The following OPALIN variants were observed in gnomAD, a reference collection of about 807,000 sequenced individuals.
OPALIN encodes the protein oligodendrocytic myelin paranodal and inner loop protein, also known as transmembrane protein 10.
OPALIN carries 15 observed loss-of-function variants against 17.8 expected under a neutral mutation model. The observed-to-expected ratio is 0.84, with a 90% confidence interval of 0.56 to 1.29. OPALIN has a LOEUF of 1.29. OPALIN is among the 50% of genes most tolerant of loss of function. The pLI, the probability that OPALIN is intolerant of heterozygous loss-of-function variation, is 0.00. For missense variants in OPALIN, 170 were observed against 176.0 expected (o/e 0.97, Z 0.19); for synonymous variants, 62 against 63.8 (o/e 0.97, Z 0.14).
intron 4 of OPALIN, among the ~76,000 whole-genome samples, chr10:96,349,481 T>C (rs575000219): frequency 6.6e-6 from 1 of 152,328 alleles, no homozygotes; most frequent in East Asian, 1.9e-4. Context: ...CCAAATACCA[T>C]CTTTGTCAGG....
rs927934271 is a variant in OPALIN at position 96,343,280 on chromosome 10, T to A, written c.*2661A>T. On this transcript the variant is annotated 3_prime_UTR_variant, in exon 6 of 6. Coordinates refer to ENST00000371172, the MANE Select transcript of OPALIN (RefSeq NM_033207.5). ...TCATTCCAACATAAGTTCTTGTGTA[T>A]CATAGCAGAAGTAAATGACAGAAAT... is the stretch of plus-strand genomic sequence containing the variant. 3 of 152,370 alleles carry A rather than the reference T, an allele frequency of 2.0e-5. No homozygotes were observed. The South Asian group carries it at 6.2e-4, about 32-fold the overall frequency. 9.4% of individuals were successfully genotyped at this position (152,370 alleles called of 1,614,324 possible).
At position 96,345,937 on chromosome 10, in the gene OPALIN, T is replaced by G; in HGVS notation, c.*4A>C. On this transcript the variant is annotated 3_prime_UTR_variant, in exon 6 of 6. Coordinates refer to ENST00000371172, the MANE Select transcript of OPALIN (RefSeq NM_033207.5). ...CAGGTCTGCTGCTCCTTGACTGAGC[T>G]GCATCATTCCAGGCTCAGTCTGGGC... is the stretch of plus-strand genomic sequence containing the variant. 4.3e-6 allele frequency: 7 copies of G among 1,613,732 alleles called. No individual in the cohort carries two copies. Among genetic ancestry groups the G allele is most frequent in the Non-Finnish European group, 5.9e-6 (7 of 1,179,694 alleles).
chr10:96,353,518 G>A lies in OPALIN; in HGVS notation c.39+1737C>T, dbSNP rs1845675885. ...CAGACAACACCAGGCAAAGCAAAAT[G>A]GTTGGTTGCTCTACACGGGATCAAA... On this transcript the variant is annotated intron_variant, in intron 2 of 5. Transcript: ENST00000371172. The A allele has an allele frequency of 3.4e-6, 4 of 1,187,514 alleles. No homozygotes were observed. The Admixed American group carries it at 5.1e-5, about 15-fold the overall frequency. 73.6% of individuals were successfully genotyped at this position (1,187,514 alleles called of 1,614,324 possible).
chr10:96,354,595 C>T (rs977578596), intron 2 of OPALIN, among the ~76,000 whole-genome samples: 5 of 151,918 alleles, frequency 3.3e-5, no homozygotes, highest in Non-Finnish European at 7.4e-5. Flanking sequence ...AGTAAGAAAA[C>T]AATAGTACAA....
Position 96,352,774 on chromosome 10 carries a change from G to T in OPALIN, c.40-1364C>A, listed in dbSNP as rs574568691. 3.5e-4 allele frequency among the ~76,000 whole-genome samples: 54 copies of T among 152,170 alleles called. 2 individuals are homozygous for T. The South Asian group carries it at 0.011, about 30-fold the overall frequency. Reference sequence around the variant, plus strand: ...ACAGGTGGGAAGCTGGTTTCTCCAGGGAGTGGACCTTGGAACGGGGAACTT... The same window carrying T: ...ACAGGTGGGAAGCTGGTTTCTCCAGTGAGTGGACCTTGGAACGGGGAACTT... On this transcript the variant is annotated intron_variant, in intron 2 of 5. Coordinates refer to ENST00000371172, the MANE Select transcript of OPALIN (RefSeq NM_033207.5).
chr10:96,348,308 T>A lies in OPALIN; in HGVS notation c.230A>T (p.Asp77Val). The part of the protein sequence containing the change: ...DRPCEISEID[D>V]NPKISENPRR... ...TCTTACCTCAGATATCTTGGGATTG[T>A]CATCAATTTCTGAAATTTCACATGG... Residue 77 changes from aspartate (D) to valine (V), a missense_variant, in exon 5 of 6, where the codon GAC (aspartate) becomes GTC (valine). Asp to Val is a radical substitution (Grantham distance 152). Transcript: ENST00000371172. The A allele has an allele frequency of 6.5e-7, 1 of 1,547,102 alleles. No individual in the cohort carries two copies. The highest frequency in any genetic ancestry group is 8.9e-7 in the Non-Finnish European group (1 of 1,122,378).
chr10:96,352,618 C>A (rs1845632754), intron 2 of OPALIN, among the ~76,000 whole-genome samples: 2 of 150,242 alleles, frequency 1.3e-5, no homozygotes, highest in African/African-American at 4.9e-5. Context: ...GAAGAATCAG[C>A]CATTGTTTCA....
At chr10:96,346,558 G>A (rs1180902744) in intron 5 of OPALIN, among the ~76,000 whole-genome samples, 1 of 152,068 alleles carries the variant, frequency 6.6e-6, no homozygotes, top group Admixed American at 6.5e-5. Context: ...TCATTGATAT[G>A]GTTGGGTTTA....
chr10:96,345,330 A>T lies in OPALIN; in HGVS notation c.*611T>A, dbSNP rs1845268115. 6.6e-6 allele frequency: 1 copy of T among 152,204 alleles called. No homozygotes were observed. Among genetic ancestry groups the T allele is most frequent in the Non-Finnish European group, 1.5e-5 (1 of 68,034 alleles). The allele number at this position is 152,204 out of a possible 1,614,324, so 9.4% of individuals were successfully genotyped here. On this transcript the variant is annotated 3_prime_UTR_variant, in exon 6 of 6. Coordinates refer to ENST00000371172, the MANE Select transcript of OPALIN (RefSeq NM_033207.5). ...AAAAACTGAGGCTTGAAAATGTTAA[A>T]CAACTTCTCCAAAGTCGTACAGCTG...
chr10:96,345,845 T>C lies in OPALIN; in HGVS notation c.*96A>G, dbSNP rs776997781. The C allele has an allele frequency of 2.4e-6, 3 of 1,242,188 alleles. No individual in the cohort carries two copies. The highest frequency in any genetic ancestry group is 2.3e-5 in the East Asian group (1 of 42,722). The allele number at this position is 1,242,188 out of a possible 1,614,324, so 76.9% of individuals were successfully genotyped here. A position where few individuals can be genotyped will look rare whatever the true frequency, so the allele number is the denominator to read the frequency against. ...AGCTGTAAATGAAATTTGGATTGAT[T>C]AAGAAGCAGCTTGGCATCTTTCCTC... On this transcript the variant is annotated 3_prime_UTR_variant, in exon 6 of 6. Coordinates refer to ENST00000371172, the MANE Select transcript of OPALIN (RefSeq NM_033207.5).
At position 96,355,252 on chromosome 10, in the gene OPALIN, T is replaced by TA. The variant is rs1421928187; in HGVS notation, c.39+2dup. The TA allele has an allele frequency of 3.1e-6, 5 of 1,613,726 alleles. No homozygotes were observed. Among genetic ancestry groups the TA allele is most frequent in the Non-Finnish European group, 4.2e-6 (5 of 1,179,900 alleles). ...CCTGGTGAATGGGGGCTGCTGTACT[T>TA]ACTGTGTTCGCCGGCAGGGTGAAGT... On this transcript the variant is annotated splice_region_variant and intron_variant, in intron 2 of 5. Coordinates refer to ENST00000371172, the MANE Select transcript of OPALIN (RefSeq NM_033207.5).
Position 96,349,830 on chromosome 10 carries a change from G to A in OPALIN, c.73-4C>T, listed in dbSNP as rs750040835. On this transcript the variant is annotated splice_region_variant and splice_polypyrimidine_tract_variant and intron_variant, in intron 3 of 5. Coordinates refer to ENST00000371172, the MANE Select transcript of OPALIN (RefSeq NM_033207.5). ...ATCCAAGAGAGGGCCCACAGTCCTG[G>A]CACAGAATGAAAAACACAGGGTCAG... is the stretch of plus-strand genomic sequence containing the variant. 1.2e-6 allele frequency: 2 copies of A among 1,610,092 alleles called. No individual in the cohort carries two copies. Among genetic ancestry groups the A allele is most frequent in the East Asian group, 4.5e-5 (2 of 44,828 alleles).
chr10:96,353,685 C>T (rs558313865), intron 2 of OPALIN, among the ~76,000 whole-genome samples: 4 of 152,332 alleles, frequency 2.6e-5, no homozygotes, highest in African/African-American at 9.6e-5. Flanking sequence ...TCTGCATTCT[C>T]TTGATGTGAT....
At chr10:96,350,571 G>A (rs1845538185) in intron 3 of OPALIN, among the ~76,000 whole-genome samples, 1 of 152,144 alleles carries the variant, frequency 6.6e-6, no homozygotes, top group Admixed American at 6.5e-5. Context: ...TGTAAATGAC[G>A]AGTTAATGGG....
At position 96,356,268 on chromosome 10, in the gene OPALIN, G is replaced by A. The variant is rs535386910; in HGVS notation, c.4-978C>T. ...GGCTTGGTCTACACCACAGCTTCCC[G>A]TCTTTCCAGCATCCCAAGACCAGAT... On this transcript the variant is annotated intron_variant, in intron 1 of 5. Coordinates refer to ENST00000371172, the MANE Select transcript of OPALIN (RefSeq NM_033207.5). Among the ~76,000 whole-genome samples the A allele has an allele frequency of 2.7e-4, 41 of 152,284 alleles. No individual in the cohort carries two copies. The East Asian group carries it at 2.9e-3, about 11-fold the overall frequency.
chr10:96,346,056 T>C lies in OPALIN; in HGVS notation c.311A>G (p.Tyr104Cys). 6.2e-7 allele frequency: 1 copy of C among 1,614,120 alleles called. No homozygotes were observed. The highest frequency in any genetic ancestry group is 1.3e-5 in the African/African-American group (1 of 75,044). ...NTMGAQEAHI[Y>C]VKTVAGSEEP... is the part of the protein sequence containing the mutation. Reference sequence around the variant, plus strand: ...CTCGCTTCCTGCTACAGTCTTCACATATATGTGGGCCTCTTGTGCTCCCAT... The same window carrying C: ...CTCGCTTCCTGCTACAGTCTTCACACATATGTGGGCCTCTTGTGCTCCCAT... Residue 104 changes from tyrosine to cysteine, a missense_variant, in exon 6 of 6, where the codon TAT (tyrosine) becomes TGT (cysteine). Physicochemically the swap from Tyr to Cys is radical, Grantham distance 194. Transcript: ENST00000371172.
At position 96,352,808 on chromosome 10, in the gene OPALIN, C is replaced by T. The variant is rs115448552; in HGVS notation, c.40-1398G>A. ...CTTGGAACGGGGAACTTGTGTGAACCGAAGGCACCCTCCTTTCTCCTTCGC... is the reference window on the plus strand; with the variant it reads ...CTTGGAACGGGGAACTTGTGTGAACTGAAGGCACCCTCCTTTCTCCTTCGC... On this transcript the variant is annotated intron_variant, in intron 2 of 5. Coordinates refer to ENST00000371172, the MANE Select transcript of OPALIN (RefSeq NM_033207.5). Among the ~76,000 whole-genome samples, 826 of 152,222 alleles carry T rather than the reference C, an allele frequency of 5.4e-3. 6 individuals are homozygous for T. Among genetic ancestry groups the T allele is most frequent in the African/African-American group, 0.018 (754 of 41,506 alleles).
intron 1 of OPALIN, 67 bp from the exon 2 acceptor site, chr10:96,355,357 A>C (rs756577858): frequency 9.9e-5 from 143 of 1,438,932 alleles, no homozygotes; most frequent in Non-Finnish European, 1.4e-4. Context: ...CACTTCCTCA[A>C]ACTCACTGAC....
In OPALIN at chr10:96,344,332, C is replaced by G. The variant is rs777557753; in HGVS notation, c.*1609G>C. ...CTCTGATTACAGACACAAGTAGGAG[C>G]AATGAATGATGTGTCTCCTAGGCCA... On this transcript the variant is annotated 3_prime_UTR_variant, in exon 6 of 6. Coordinates refer to ENST00000371172, the MANE Select transcript of OPALIN (RefSeq NM_033207.5). 6.6e-6 allele frequency: 1 copy of G among 151,972 alleles called. No individual in the cohort carries two copies. The highest frequency in any genetic ancestry group is 1.5e-5 in the Non-Finnish European group (1 of 68,020). 9.4% of individuals were successfully genotyped at this position (151,972 alleles called of 1,614,324 possible).
Sources: gnomAD v4.1 joint callset for allele counts (sites outside exome capture counted in the v4.1 genomes callset) on GRCh38, gnomAD v4.1.1 for gene constraint, MANE v1.5 for transcripts, NCBI Gene and HGNC (gene_info 2026-07-23, HGNC 2026-07-21) for gene names.